PRXL2A: variants seen among roughly 807,000 people sequenced by gnomAD.
The protein encoded by PRXL2A is peroxiredoxin like 2A, also known as peroxiredoxin-like 2A.
Under a neutral mutation model 25.6 loss-of-function variants are expected in PRXL2A, and 26 were observed. The observed-to-expected ratio is 1.02, with a 90% CI of 0.74 to 1.41. The LOEUF (loss-of-function observed/expected upper bound fraction) is 1.41, where lower values mean the gene tolerates loss of function less well. Ranked by LOEUF, PRXL2A falls within the 40% of genes most tolerant of loss-of-function variation. The pLI is 0.00. For missense variants in PRXL2A, 246 were observed against 273.9 expected (o/e 0.90, Z 0.72); for synonymous variants, 98 against 102.9 (o/e 0.95, Z 0.29).
Position 80,434,551 on chromosome 10 carries a change from A to G in PRXL2A, c.*2452A>G, listed in dbSNP as rs1845351098. The G allele has an allele frequency of 6.6e-6, 1 of 152,150 alleles. No individual in the cohort carries two copies. Among genetic ancestry groups the G allele is most frequent in the East Asian group, 1.9e-4 (1 of 5,190 alleles). The allele number at this position is 152,150 out of a possible 1,614,324, so 9.4% of individuals were successfully genotyped here. Reference sequence around the variant, plus strand: ...AGATTTTACTCAATAACTACTGCAGAAGGAGAGAGTCCTCAGTATAGAACT... The same window carrying G: ...AGATTTTACTCAATAACTACTGCAGGAGGAGAGAGTCCTCAGTATAGAACT... On this transcript the variant is annotated 3_prime_UTR_variant, in exon 6 of 6. Coordinates refer to ENST00000606162, the MANE Select transcript of PRXL2A (RefSeq NM_032333.5).
chr10:80,415,998 C>T (rs1160039298), intron 1 of PRXL2A, among the ~76,000 whole-genome samples: 1 of 152,158 alleles, frequency 6.6e-6, no homozygotes, highest in South Asian at 2.1e-4. Context: ...TGATCAGAGA[C>T]CATTCTATGT....
At chr10:80,424,405 C>CAAA (rs33941883) in intron 3 of PRXL2A, among the ~76,000 whole-genome samples, 20 of 75,064 alleles carry the variant, frequency 2.7e-4, no homozygotes, top group Non-Finnish European at 4.0e-4. Flanking sequence ...CCTGTCTCTA[C>CAAA]AAAAAAAAAA....
upstream of PRXL2A, chr10:80,407,928 T>A (rs757077970): frequency 6.6e-6 from 1 of 152,176 alleles, no homozygotes; most frequent in African/African-American, 2.4e-5. Context: ...CCTACTTTCA[T>A]GAAAGAGTGG....
intron 5 of PRXL2A, among the ~76,000 whole-genome samples, chr10:80,428,164 G>A (rs1450795408): frequency 6.6e-6 from 1 of 152,152 alleles, no homozygotes; most frequent in African/African-American, 2.4e-5. Context: ...TATTATTATA[G>A]GTCCTGGCTG....
intron 4 of PRXL2A, among the ~76,000 whole-genome samples, chr10:80,426,334 C>T (rs1433003459): frequency 2.0e-5 from 3 of 152,204 alleles, no homozygotes; most frequent in Non-Finnish European, 4.4e-5. Context: ...ATTCAATATT[C>T]AATAGACTAC....
At position 80,420,009 on chromosome 10, in the gene PRXL2A, A is replaced by G. The variant is rs554446113; in HGVS notation, c.-2-457A>G. The G allele has an allele frequency of 9.1e-6, 9 of 985,688 alleles. No homozygotes were observed. In the South Asian group the frequency reaches 4.2e-4, roughly 46 times the overall value. The allele number at this position is 985,688 out of a possible 1,614,324, so 61.1% of individuals were successfully genotyped here. On this transcript the variant is annotated intron_variant, in intron 1 of 5. Transcript: ENST00000606162. Reference sequence around the variant, plus strand: ...CGGTTGGTGTTCTAAGTATCCTCTGATCACAGAAGAGAAAGCTGCCCCTAC... The same window carrying G: ...CGGTTGGTGTTCTAAGTATCCTCTGGTCACAGAAGAGAAAGCTGCCCCTAC...
chr10:80,418,841 C>G (rs953604488), intron 1 of PRXL2A, among the ~76,000 whole-genome samples: 2 of 152,168 alleles, frequency 1.3e-5, no homozygotes, highest in African/African-American at 4.8e-5. Context: ...ACAAGTCTTC[C>G]TAGCTGGCAG....
chr10:80,427,392 G>C lies in PRXL2A; in HGVS notation c.472G>C (p.Val158Leu), dbSNP rs760703484. Reference protein sequence around the residue: ...MMFMGFIRLGVWYNFFRAWNG... With the variant: ...MMFMGFIRLGLWYNFFRAWNG... Reference sequence around the variant, plus strand: ...GTTTATGGGATTTATCCGTCTGGGAGTGTGGTACAACTTCTTCCGAGCCTG... The same window carrying C: ...GTTTATGGGATTTATCCGTCTGGGACTGTGGTACAACTTCTTCCGAGCCTG... The change falls in exon 5 of 6, where the codon GTG (valine) becomes CTG (leucine). Residue 158 changes from valine (V) to leucine (L), a missense_variant. Transcript: ENST00000606162. 1 of 1,614,144 alleles carries C rather than the reference G, an allele frequency of 6.2e-7. No individual in the cohort carries two copies. The highest frequency in any genetic ancestry group is 2.2e-5 in the East Asian group (1 of 44,880).
At position 80,434,953 on chromosome 10, in the gene PRXL2A, C is replaced by A. The variant is rs1451780550; in HGVS notation, c.*2854C>A. On this transcript the variant is annotated 3_prime_UTR_variant, in exon 6 of 6. Coordinates refer to ENST00000606162, the MANE Select transcript of PRXL2A (RefSeq NM_032333.5). Reference sequence around the variant, plus strand: ...GAGGGACTGGGTGCCATGGCTCATGCCTATAATCCCAGCACTTTGGGTGGC... The same window carrying A: ...GAGGGACTGGGTGCCATGGCTCATGACTATAATCCCAGCACTTTGGGTGGC... 1 of 152,222 alleles carries A rather than the reference C, an allele frequency of 6.6e-6. No homozygotes were observed. The allele number at this position is 152,222 out of a possible 1,614,324, so 9.4% of individuals were successfully genotyped here. A position where few individuals can be genotyped will look rare whatever the true frequency, so the allele number is the denominator to read the frequency against.
intron 1 of PRXL2A, chr10:80,413,942 A>G: frequency 9.5e-7 from 1 of 1,050,076 alleles, no homozygotes; most frequent in Non-Finnish European, 1.2e-6. Context: ...TGAGGAAGGG[A>G]GTTGCCTTGT....
chr10:80,435,527 G>C lies in PRXL2A; in HGVS notation c.*3428G>C, dbSNP rs1845380800. 6.6e-6 allele frequency: 1 copy of C among 151,020 alleles called. No homozygotes were observed. Among genetic ancestry groups the C allele is most frequent in the Non-Finnish European group, 1.5e-5 (1 of 67,870 alleles). 9.4% of individuals were successfully genotyped at this position (151,020 alleles called of 1,614,324 possible). ...GGGTCTTGCTCTGTCACCTAGGCTAGAGTGTAATTAGTGGCCCCAGTCATG... is the reference window on the plus strand; with the variant it reads ...GGGTCTTGCTCTGTCACCTAGGCTACAGTGTAATTAGTGGCCCCAGTCATG... On this transcript the variant is annotated 3_prime_UTR_variant, in exon 6 of 6. Coordinates refer to ENST00000606162, the MANE Select transcript of PRXL2A (RefSeq NM_032333.5).
At chr10:80,416,715 C>A (rs751089536) in intron 1 of PRXL2A, among the ~76,000 whole-genome samples, 10 of 152,202 alleles carry the variant, frequency 6.6e-5, no homozygotes, top group Non-Finnish European at 1.3e-4. Flanking sequence ...GATGGCCAAC[C>A]AAGCACGAAG....
intron 1 of PRXL2A, among the ~76,000 whole-genome samples, chr10:80,411,291 G>A (rs1457813804): frequency 2.0e-5 from 3 of 152,218 alleles, no homozygotes; most frequent in Non-Finnish European, 2.9e-5. Context: ...CAGATTATAA[G>A]CTGCTTACCA....
chr10:80,413,608 A>G (rs1445587163), intron 1 of PRXL2A, among the ~76,000 whole-genome samples: 4 of 152,368 alleles, frequency 2.6e-5, no homozygotes, highest in African/African-American at 9.6e-5. Flanking sequence ...TATAATCTGC[A>G]TGACTGCAAA....
At position 80,427,411 on chromosome 10, in the gene PRXL2A, G is replaced by A. The variant is rs141578885; in HGVS notation, c.491G>A (p.Arg164Gln). ...CTGGGAGTGTGGTACAACTTCTTCCGAGCCTGGAACGGAGGCTTCTCTGGA... is the reference window on the plus strand; with the variant it reads ...CTGGGAGTGTGGTACAACTTCTTCCAAGCCTGGAACGGAGGCTTCTCTGGA... ...IRLGVWYNFFRAWNGGFSGNL... is the reference protein window; with the variant it reads ...IRLGVWYNFFQAWNGGFSGNL... Residue 164 changes from arginine to glutamine, a missense_variant, in exon 5 of 6, where the codon CGA (arginine) becomes CAA (glutamine). Coordinates refer to ENST00000606162, the MANE Select transcript of PRXL2A (RefSeq NM_032333.5). The A allele has an allele frequency of 2.3e-3, 3,756 of 1,614,134 alleles. 9 individuals are homozygous for A. The highest frequency in any genetic ancestry group is 2.9e-3 in the Non-Finnish European group (3,426 of 1,180,034).
In PRXL2A at chr10:80,433,595, G is replaced by C. The variant is rs908275534; in HGVS notation, c.*1496G>C. On this transcript the variant is annotated 3_prime_UTR_variant, in exon 6 of 6. Transcript: ENST00000606162. ...AGAGTGAGTTAGGGTTGAGTGGTTC[G>C]GGACTAAGACCCACTAAGACCATGC... 4.6e-5 allele frequency: 7 copies of C among 152,200 alleles called. No individual in the cohort carries two copies. The highest frequency in any genetic ancestry group is 1.9e-4 in the East Asian group (1 of 5,198). 9.4% of individuals were successfully genotyped at this position (152,200 alleles called of 1,614,324 possible).
At chr10:80,414,576 A>G (rs1844588208) in intron 1 of PRXL2A, among the ~76,000 whole-genome samples, 1 of 152,166 alleles carries the variant, frequency 6.6e-6, no homozygotes, top group African/African-American at 2.4e-5. Flanking sequence ...TTTCTTTGTT[A>G]ATCAACAATT....
chr10:80,421,946 C>G (rs570899858), intron 2 of PRXL2A, among the ~76,000 whole-genome samples: 7 of 152,216 alleles, frequency 4.6e-5, no homozygotes, highest in Admixed American at 6.5e-5. Context: ...AACTACAGTA[C>G]TGTACTACCC....
chr10:80,417,405 G>C (rs1187690660), intron 1 of PRXL2A, among the ~76,000 whole-genome samples: 1 of 152,184 alleles, frequency 6.6e-6, no homozygotes, highest in African/African-American at 2.4e-5. Context: ...ACTCCTTGCG[G>C]AAGGGGGTTG....
Sources: allele counts gnomAD v4.1 joint callset (sites outside exome capture counted in the v4.1 genomes callset), GRCh38; gene constraint gnomAD v4.1.1; transcripts MANE v1.5; gene names NCBI Gene and HGNC (gene_info 2026-07-23, HGNC 2026-07-21).